Variants in CERS4 observed in about 807,000 individuals in gnomAD.
CERS4 encodes the protein ceramide synthase 4, also known as LAG1 homolog, ceramide synthase 4.
CERS4 carries 65 observed loss-of-function variants against 51.8 expected under a neutral mutation model. The observed-to-expected ratio is 1.26, with a 90% CI of 1.03 to 1.54. The LOEUF is 1.54. Ranked by LOEUF, CERS4 falls within the 40% of genes most tolerant of loss-of-function variation. The pLI is 0.00. For missense variants in CERS4, 563 were observed against 500.4 expected (o/e 1.13, Z -1.19); for synonymous variants, 228 against 208.4 (o/e 1.09, Z -0.81).
intron 2 of CERS4, among the ~76,000 whole-genome samples, chr19:8,244,826 C>T (rs774014746): frequency 7.3e-5 from 11 of 151,724 alleles, no homozygotes; most frequent in African/African-American, 2.2e-4. Context: ...CCACCACCCC[C>T]GGCTGCCCCC....
rs138293037 is a variant in CERS4 at position 8,254,629 on chromosome 19, C to A, written c.291+13C>A. 52 of 1,595,428 alleles carry A rather than the reference C, an allele frequency of 3.3e-5. No homozygotes were observed. In the South Asian group the frequency reaches 5.3e-4, roughly 16 times the overall value. On this transcript the variant is annotated intron_variant, in intron 4 of 11. Transcript: ENST00000251363. ...CAGGCCCAAGGAGGTGAGAGCCCCC[C>A]ATGCCCTCCGACCCGCACTACTGCC...
intron 2 of CERS4, among the ~76,000 whole-genome samples, chr19:8,230,509 A>G (rs1366007873): frequency 1.3e-5 from 2 of 152,138 alleles, no homozygotes; most frequent in East Asian, 1.9e-4. Context: ...ATCTTTTGAT[A>G]TCATCCAGAA....
chr19:8,257,216 C>T (rs1599594417), intron 9 of CERS4, 139 bp downstream of exon 9: 1 of 874,592 alleles, frequency 1.1e-6, no homozygotes, highest in East Asian at 2.6e-5. Context: ...TGATGAGGCC[C>T]TGCCCCCTCT....
chr19:8,248,211 G>A (rs1422670557), intron 2 of CERS4, among the ~76,000 whole-genome samples: 1 of 152,190 alleles, frequency 6.6e-6, no homozygotes, highest in Non-Finnish European at 1.5e-5. Context: ...TCTGTGAGCT[G>A]GGCAGGAATG....
At chr19:8,224,743 C>G (rs1200622860) in intron 2 of CERS4, among the ~76,000 whole-genome samples, 1 of 152,076 alleles carries the variant, frequency 6.6e-6, no homozygotes, top group Admixed American at 6.6e-5. Flanking sequence ...ATGATTCAAT[C>G]AAGAAATGGG....
intron 6 of CERS4, 126 bp downstream of exon 6, chr19:8,256,005 T>C: frequency 8.8e-7 from 1 of 1,139,452 alleles, no homozygotes; most frequent in South Asian, 1.4e-5. Flanking sequence ...AGAGCGAGCT[T>C]TGCAAGATGG....
chr19:8,246,713 A>G (rs573296257), intron 2 of CERS4, among the ~76,000 whole-genome samples: 5 of 152,076 alleles, frequency 3.3e-5, no homozygotes, highest in Non-Finnish European at 7.3e-5. Context: ...GGGAACAAGC[A>G]GATAGACTGA....
chr19:8,259,605 G>A (rs543829892), intron 10 of CERS4, among the ~76,000 whole-genome samples: 57 of 152,200 alleles, frequency 3.7e-4, no homozygotes, highest in Admixed American at 1.9e-3. Flanking sequence ...CGAGAGAAGT[G>A]GGCAGACTTA....
chr19:8,245,819 C>T (rs1175215713), intron 2 of CERS4, among the ~76,000 whole-genome samples: 1 of 145,480 alleles, frequency 6.9e-6, no homozygotes, highest in Non-Finnish European at 1.5e-5. Flanking sequence ...GGATTACAGG[C>T]TTGAGCCACC....
intron 2 of CERS4, chr19:8,241,223 A>G (rs919299539): frequency 6.6e-6 from 1 of 152,194 alleles, no homozygotes; most frequent in Non-Finnish European, 1.5e-5. Context: ...ACCATCTAGA[A>G]GCCTCCATAG....
chr19:8,239,090 G>A (rs1968401686), intron 2 of CERS4, among the ~76,000 whole-genome samples: 1 of 151,542 alleles, frequency 6.6e-6, no homozygotes. Context: ...AACAGAATGA[G>A]ACCCCATCTC....
chr19:8,216,760 G>A (rs62126387), intron 2 of CERS4, among the ~76,000 whole-genome samples: 1 of 152,028 alleles, frequency 6.6e-6, no homozygotes, highest in African/African-American at 2.4e-5. Flanking sequence ...CGATAAATGT[G>A]AAGTGATGTC....
intron 2 of CERS4, among the ~76,000 whole-genome samples, chr19:8,221,256 A>C (rs1238346459): frequency 6.6e-6 from 1 of 151,782 alleles, no homozygotes; most frequent in African/African-American, 2.4e-5. Context: ...GGTGTGAGCC[A>C]CTGTACCTGG....
At chr19:8,227,300 TATA>T (rs1967827793) in intron 2 of CERS4, among the ~76,000 whole-genome samples, 1 of 152,068 alleles carries the variant, frequency 6.6e-6, no homozygotes, top group South Asian at 2.1e-4. Context: ...ACCCTTAATA[TATA>T]TACATACACT....
intron 2 of CERS4, among the ~76,000 whole-genome samples, chr19:8,238,120 G>A (rs1968357006): frequency 6.6e-6 from 1 of 151,908 alleles, no homozygotes; most frequent in Non-Finnish European, 1.5e-5. Flanking sequence ...CCAGAGACCA[G>A]ATCCTCTCTC....
At chr19:8,231,997 CTT>C (rs568613532) in intron 2 of CERS4, among the ~76,000 whole-genome samples, 2 of 138,698 alleles carry the variant, frequency 1.4e-5, no homozygotes, top group Admixed American at 7.4e-5. Flanking sequence ...CCAGCTTTTT[CTT>C]TTTTTTTTTT....
chr19:8,221,380 G>A (rs566260699), intron 2 of CERS4, among the ~76,000 whole-genome samples: 1 of 152,118 alleles, frequency 6.6e-6, no homozygotes, highest in Non-Finnish European at 1.5e-5. Flanking sequence ...AACTGGTCAA[G>A]ACTGCACTTT....
chr19:8,254,479 T>G lies in CERS4; in HGVS notation c.174-20T>G. ...CATCTCTTCACCTGGGCTGATAGGC[T>G]CTGTCTCCTTTGCACCCAGATTCAT... On this transcript the variant is annotated intron_variant, in intron 3 of 11. Transcript: ENST00000251363. The G allele has an allele frequency of 6.2e-7, 1 of 1,610,808 alleles. No homozygotes were observed. Among genetic ancestry groups the G allele is most frequent in the Non-Finnish European group, 8.5e-7 (1 of 1,177,658 alleles).
rs1168294765 is a variant in CERS4, at chr19:8,221,879, T to A, written c.-2+11017T>A. ...ACTTATTTATTTTTTTATGTTTTTT[T>A]TTTTTTTTTTTTTTTTTTTTGAGAC... is the stretch of plus-strand genomic sequence containing the variant. On this transcript the variant is annotated intron_variant, in intron 2 of 11. Transcript: ENST00000251363. Among the ~76,000 whole-genome samples the A allele has an allele frequency of 2.5e-3, 234 of 92,204 alleles. 4 individuals are homozygous for A. Among genetic ancestry groups the A allele is most frequent in the African/African-American group, 9.6e-3 (225 of 23,432 alleles). The allele number at this position is 92,204 out of a possible 152,430, so 60.5% of individuals were successfully genotyped here.
Sources: gnomAD v4.1 joint callset for allele counts (sites outside exome capture counted in the v4.1 genomes callset) on GRCh38, gnomAD v4.1.1 for gene constraint, MANE v1.5 for transcripts, NCBI Gene and HGNC (gene_info 2026-07-23, HGNC 2026-07-21) for gene names.